The following PTBP1 variants were observed in gnomAD, a reference collection of about 807,000 sequenced individuals.
PTBP1 encodes the protein polypyrimidine tract binding protein 1.
In PTBP1, 8 loss-of-function variants were observed where a neutral mutation model predicts 59.8. The ratio of observed to expected loss-of-function variants is 0.13; its 90% CI spans 0.08 to 0.24. The LOEUF (loss-of-function observed/expected upper bound fraction) is 0.24. Ranked by LOEUF, PTBP1 falls within the 10% of genes least tolerant of loss-of-function variation. The pLI, the probability that PTBP1 is intolerant of heterozygous loss-of-function variation, is 1.00. For synonymous variants in PTBP1, 490 were observed against 320.7 expected (o/e 1.53, Z -5.64); for missense variants, 686 against 767.0 (o/e 0.89, Z 1.25).
intron 2 of PTBP1, among the ~76,000 whole-genome samples, chr19:802,152 A>G (rs1193864148): frequency 6.6e-6 from 1 of 152,082 alleles, no homozygotes; most frequent in Non-Finnish European, 1.5e-5. Flanking sequence ...TAGAGGTCTC[A>G]TTGGCAAGGG....
In PTBP1 at chr19:810,772, C is replaced by G; in HGVS notation, c.1620C>G (p.His540Gln). 6.2e-7 allele frequency: 1 copy of G among 1,605,920 alleles called. No homozygotes were observed. Among genetic ancestry groups the G allele is most frequent in the Non-Finnish European group, 8.5e-7 (1 of 1,177,366 alleles). Residue 540 changes from histidine (H) to glutamine (Q), a missense_variant, in exon 15 of 15, where the codon CAC (histidine) becomes CAG (glutamine). Coordinates refer to ENST00000356948, the MANE Select transcript of PTBP1 (RefSeq NM_002819.5). ...AGGCCCTCATTGACCTGCACAACCACGACCTCGGGGAGAACCACCACCTGC... is the reference window on the plus strand; with the variant it reads ...AGGCCCTCATTGACCTGCACAACCAGGACCTCGGGGAGAACCACCACCTGC... ...AVQALIDLHN[H>Q]DLGENHHLRV...
Position 808,156 on chromosome 19 carries a change from C to T in PTBP1, c.1154-204C>T, listed in dbSNP as rs2145023572. The T allele has an allele frequency of 4.7e-6, 3 of 635,406 alleles. No homozygotes were observed. Among genetic ancestry groups the T allele is most frequent in the Non-Finnish European group, 5.6e-6 (2 of 355,722 alleles). The allele number at this position is 635,406 out of a possible 1,614,324, so 39.4% of individuals were successfully genotyped here. A position where few individuals can be genotyped will look rare whatever the true frequency, so the allele number is the denominator to read the frequency against. On this transcript the variant is annotated intron_variant, in intron 11 of 14. Coordinates refer to ENST00000356948, the MANE Select transcript of PTBP1 (RefSeq NM_002819.5). The surrounding 1 kb of genome is among the most constrained non-coding windows in gnomAD (Gnocchi z 4.7). The stretch of plus-strand genomic sequence containing the variant: ...CCGTGGCCACCCGCTGGCAGCTTAC[C>T]TGTCCTGGATGCTATGACTTTGCTG...
chr19:805,671 C>T (rs1313861646), intron 9 of PTBP1, 102 bp downstream of exon 9: 11 of 1,005,216 alleles, frequency 1.1e-5, no homozygotes, highest in South Asian at 4.0e-5. Context: ...ACTGGGCACT[C>T]GAGTGCCAGG....
chr19:804,453 G>A lies in PTBP1; in HGVS notation c.435+15G>A, dbSNP rs554941884. 17 of 1,607,610 alleles carry A rather than the reference G, an allele frequency of 1.1e-5. No individual in the cohort carries two copies. Among genetic ancestry groups the A allele is most frequent in the Admixed American group, 3.3e-5 (2 of 59,864 alleles). ...CCAACCAGGCGGTGCGTGGCCCCGC[G>A]GCGGACCCCAGCAGCCCGGGGACCT... On this transcript the variant is annotated intron_variant, in intron 5 of 14. Coordinates refer to ENST00000356948, the MANE Select transcript of PTBP1 (RefSeq NM_002819.5).
At chr19:807,824 C>G in intron 10 of PTBP1, 45 bp from the exon 11 acceptor site, 1 of 1,564,660 alleles carries the variant, frequency 6.4e-7, no homozygotes, top group Non-Finnish European at 8.8e-7. Context: ...CTTGACCTCT[C>G]CCTCTCCCCT....
At position 810,525 on chromosome 19, in the gene PTBP1, G is replaced by C; in HGVS notation, c.1464-18G>C. 6.2e-7 allele frequency: 1 copy of C among 1,611,522 alleles called. No homozygotes were observed. Among genetic ancestry groups the C allele is most frequent in the Non-Finnish European group, 8.5e-7 (1 of 1,179,000 alleles). On this transcript the variant is annotated intron_variant, in intron 13 of 14. Transcript: ENST00000356948. Reference sequence around the variant, plus strand: ...CACCCCCACGCGGCCCCAGGCTCACGCCTTTCTCCTCCCACAGGCCCTCAG... The same window carrying C: ...CACCCCCACGCGGCCCCAGGCTCACCCCTTTCTCCTCCCACAGGCCCTCAG...
At chr19:801,873 C>T (rs1009698905) in intron 2 of PTBP1, among the ~76,000 whole-genome samples, 32 of 152,178 alleles carry the variant, frequency 2.1e-4, no homozygotes, top group African/African-American at 7.2e-4. Context: ...TCATAGGGGG[C>T]CCCAGACTCT....
intron 1 of PTBP1, 80 bp from the exon 2 acceptor site, chr19:799,332 CT>C (rs2034226126): frequency 7.4e-7 from 1 of 1,356,892 alleles, no homozygotes; most frequent in Admixed American, 1.7e-5. Context: ...CCTACGGGCT[CT>C]CCTGGCCCGG....
intron 9 of PTBP1, chr19:806,137 G>A (rs1323478989): frequency 1.3e-5 from 5 of 387,170 alleles, no homozygotes; most frequent in Admixed American, 4.7e-5. Context: ...TGGCGGAGCC[G>A]GAGCTTTTCT....
chr19:805,399 G>A (rs1267836376), intron 8 of PTBP1, 93 bp from the exon 9 acceptor site: 6 of 1,348,660 alleles, frequency 4.4e-6, no homozygotes, highest in South Asian at 1.2e-5. Flanking sequence ...TGCCGGGGCC[G>A]CCCGCCGGCC....
intron 2 of PTBP1, 113 bp from the exon 3 acceptor site, chr19:803,448 G>C: frequency 1.2e-6 from 1 of 833,146 alleles, no homozygotes; most frequent in East Asian, 2.4e-5. Context: ...GTGTGGGTAT[G>C]GGTTGGGGGT....
At chr19:800,123 A>C (rs2145023534) in intron 2 of PTBP1, among the ~76,000 whole-genome samples, 1 of 147,216 alleles carries the variant, frequency 6.8e-6, no homozygotes. Context: ...TTTTTTTGGT[A>C]AAGATGGGGT....
Position 804,857 on chromosome 19 carries a change from A to T in PTBP1, c.635A>T (p.Lys212Met). 6.2e-7 allele frequency: 1 copy of T among 1,614,002 alleles called. No individual in the cohort carries two copies. The highest frequency in any genetic ancestry group is 8.5e-7 in the Non-Finnish European group (1 of 1,179,920). Residue 212 changes from lysine (K) to methionine (M), a missense_variant, in exon 7 of 15, where the codon AAG (lysine) becomes ATG (methionine). Transcript: ENST00000356948. Reference sequence around the variant, plus strand: ...TTCTCCAAGTTCGGCACAGTGTTGAAGATCATCACCTTCACCAAGAACAAC... The same window carrying T: ...TTCTCCAAGTTCGGCACAGTGTTGATGATCATCACCTTCACCAAGAACAAC... ...QIFSKFGTVLKIITFTKNNQF... is the reference protein window; with the variant it reads ...QIFSKFGTVLMIITFTKNNQF...
intron 1 of PTBP1, among the ~76,000 whole-genome samples, chr19:797,989 G>A (rs1169862053): frequency 1.3e-5 from 2 of 150,234 alleles, no homozygotes; most frequent in East Asian, 3.9e-4. Flanking sequence ...CCCGGACTCT[G>A]CCCCCGGCGC....
At chr19:804,981 C>T (rs1276960211) in intron 7 of PTBP1, 32 bp from the exon 8 acceptor site, 8 of 1,612,342 alleles carry the variant, frequency 5.0e-6, no homozygotes, top group Non-Finnish European at 5.9e-6. Flanking sequence ...TGGCCCTGGC[C>T]CGGCGACGTC....
At chr19:798,565 A>T (rs949418320) in intron 1 of PTBP1, 34 of 152,294 alleles carry the variant, frequency 2.2e-4, no homozygotes, top group African/African-American at 8.2e-4. Context: ...GCAGACGGCG[A>T]GACGAGGGCT....
chr19:808,859 G>C lies in PTBP1; in HGVS notation c.1463+97G>C. The C allele has an allele frequency of 8.2e-7, 1 of 1,226,050 alleles. No individual in the cohort carries two copies. The allele number at this position is 1,226,050 out of a possible 1,614,324, so 75.9% of individuals were successfully genotyped here. ...GGTGTGTGGACTTCTGGCGTTTCCA[G>C]AGTGCAGGTCGGGCACCTCTTACCC... On this transcript the variant is annotated intron_variant, in intron 13 of 14. Coordinates refer to ENST00000356948, the MANE Select transcript of PTBP1 (RefSeq NM_002819.5). The surrounding 1 kb of genome is among the most constrained non-coding windows in gnomAD (Gnocchi z 4.7).
chr19:802,490 TTCTG>T (rs372428872), intron 2 of PTBP1, among the ~76,000 whole-genome samples: 1 of 151,932 alleles, frequency 6.6e-6, no homozygotes, highest in African/African-American at 2.4e-5. Context: ...CACTGGTTCT[TTCTG>T]ATGCGATGGC....
chr19:810,843 G>C lies in PTBP1; in HGVS notation c.*17G>C. ...ACCATCTAGGGGCACAGGCCCCCAC[G>C]GCCGGGCCCCCTGGCGACAACTTCC... On this transcript the variant is annotated 3_prime_UTR_variant, in exon 15 of 15. Coordinates refer to ENST00000356948, the MANE Select transcript of PTBP1 (RefSeq NM_002819.5). The C allele has an allele frequency of 1.3e-6, 2 of 1,519,350 alleles. No individual in the cohort carries two copies. The highest frequency in any genetic ancestry group is 1.8e-6 in the Non-Finnish European group (2 of 1,141,838). 94.1% of individuals were successfully genotyped at this position (1,519,350 alleles called of 1,614,324 possible). A position where few individuals can be genotyped will look rare whatever the true frequency, so the allele number is the denominator to read the frequency against.
Sources: gnomAD v4.1 joint callset for allele counts (sites outside exome capture counted in the v4.1 genomes callset) on GRCh38, gnomAD v4.1.1 for gene constraint, Gnocchi (gnomAD v3.1) non-coding constraint, MANE v1.5 for transcripts, NCBI Gene and HGNC (gene_info 2026-07-23, HGNC 2026-07-21) for gene names.